Variants in ANTXR1 observed in about 807,000 individuals in gnomAD.
ANTXR1 encodes anthrax toxin receptor 1.
In ANTXR1, 19 loss-of-function variants were observed where a neutral mutation model predicts 78.1. That is an observed-to-expected ratio of 0.24 (90% CI 0.17 to 0.36). The LOEUF (loss-of-function observed/expected upper bound fraction) is 0.36, where lower values mean the gene tolerates loss of function less well. ANTXR1 is among the 10% of genes least tolerant of loss of function. The probability of loss-of-function intolerance (pLI) is 1.00; values close to 1 mark genes in which losing one functional copy is unlikely to be tolerated. For missense variants in ANTXR1, 518 were observed against 718.6 expected, an observed-to-expected ratio of 0.72 and a Z score of 3.19; for synonymous variants, 273 against 260.5, an observed-to-expected ratio of 1.05 and a Z score of -0.46.
intron 9 of ANTXR1, 97 bp from the exon 10 acceptor site, chr2:69,102,745 C>T (rs1671665864): frequency 2.3e-6 from 3 of 1,282,428 alleles, no homozygotes; most frequent in Non-Finnish European, 3.4e-6. Flanking sequence ...ATATTTTAAG[C>T]CTGGTGAAAT....
rs1453471121 is a variant in ANTXR1, at chr2:69,248,430, G to T, written c.*2945G>T. ...ATGTACAAATAGTTACTGAAATGAC[G>T]AGACCCTTGTTTGCACAGCATTAAT... On this transcript the variant is annotated 3_prime_UTR_variant, in exon 18 of 18. Coordinates refer to ENST00000303714, the MANE Select transcript of ANTXR1 (RefSeq NM_032208.3). The T allele has an allele frequency of 6.5e-6, 1 of 154,390 alleles. No homozygotes were observed. Among genetic ancestry groups the T allele is most frequent in the Non-Finnish European group, 1.5e-5 (1 of 68,046 alleles). The allele number at this position is 154,390 out of a possible 1,614,324, so 9.6% of individuals were successfully genotyped here. A position where few individuals can be genotyped will look rare whatever the true frequency, so the allele number is the denominator to read the frequency against.
chr2:69,086,676 G>GTGAACCACA (rs1215076003), intron 8 of ANTXR1, among the ~76,000 whole-genome samples: 1 of 22,002 alleles, frequency 4.5e-5, no homozygotes, highest in African/African-American at 2.4e-4. Context: ...TGTGAACCAC[G>GTGAACCACA]GTCCACGCCC....
intron 12 of ANTXR1, among the ~76,000 whole-genome samples, chr2:69,150,916 C>G (rs1673373395): frequency 6.6e-6 from 1 of 151,946 alleles, no homozygotes; most frequent in Admixed American, 6.6e-5. Context: ...CTCAGCTACC[C>G]AGGAGGCTGA....
intron 17 of ANTXR1, among the ~76,000 whole-genome samples, chr2:69,234,378 A>T (rs1675700179): frequency 6.6e-6 from 1 of 152,258 alleles, no homozygotes; most frequent in Non-Finnish European, 1.5e-5. Context: ...ATTTAGAAAA[A>T]GATGAAATAA....
At chr2:69,019,199 CAA>C (rs1352810946) in intron 1 of ANTXR1, among the ~76,000 whole-genome samples, 3 of 152,302 alleles carry the variant, frequency 2.0e-5, no homozygotes, top group African/African-American at 7.2e-5. Context: ...ATAAGGAAAG[CAA>C]AGAGTTCAAT....
intron 3 of ANTXR1, among the ~76,000 whole-genome samples, chr2:69,051,645 G>T (rs936362399): frequency 1.3e-5 from 2 of 151,814 alleles, no homozygotes; most frequent in East Asian, 1.9e-4. Flanking sequence ...ACACTTTGAT[G>T]ATTAAAATTT....
Position 69,249,305 on chromosome 2 carries a change from AAAT to A in ANTXR1, c.*3826_*3828del, listed in dbSNP as rs1480245477. 6.6e-6 allele frequency: 1 copy of A among 152,232 alleles called. No homozygotes were observed. Among genetic ancestry groups the A allele is most frequent in the Non-Finnish European group, 1.5e-5 (1 of 68,044 alleles). 9.4% of individuals were successfully genotyped at this position (152,232 alleles called of 1,614,324 possible). A position where few individuals can be genotyped will look rare whatever the true frequency, so the allele number is the denominator to read the frequency against. On this transcript the variant is annotated 3_prime_UTR_variant, in exon 18 of 18. Transcript: ENST00000303714. ...ACCCTGGAAGTTGCTTTTTTAAAAA[AAAT>A]AATAAATTTCTTAAATCAACTCTTT...
chr2:69,103,237 C>T (rs961838938), intron 10 of ANTXR1: 2 of 429,874 alleles, frequency 4.7e-6, no homozygotes, highest in Non-Finnish European at 4.4e-6. Flanking sequence ...AGCAGCCCTC[C>T]GGAAGCAGCG....
intron 12 of ANTXR1, chr2:69,146,296 C>G (rs1673224070): frequency 1.0e-6 from 1 of 985,316 alleles, no homozygotes; most frequent in African/African-American, 1.7e-5. Context: ...AGTTGCTCAT[C>G]TGAGAACTCC....
At chr2:69,195,536 G>C (rs1674649080) in intron 17 of ANTXR1, among the ~76,000 whole-genome samples, 1 of 152,184 alleles carries the variant, frequency 6.6e-6, no homozygotes, top group Admixed American at 6.5e-5. Flanking sequence ...TCATATAAAT[G>C]CTGGGTTGAC....
intron 10 of ANTXR1, among the ~76,000 whole-genome samples, chr2:69,108,534 G>A (rs1163009203): frequency 1.3e-5 from 2 of 152,134 alleles, no homozygotes; most frequent in Admixed American, 6.5e-5. Context: ...CTTGTGTCAT[G>A]GGGATTTGTT....
intron 8 of ANTXR1, among the ~76,000 whole-genome samples, chr2:69,084,993 C>G (rs1385526692): frequency 1.3e-5 from 2 of 151,872 alleles, no homozygotes; most frequent in African/African-American, 4.8e-5. Flanking sequence ...GCTGGGACTA[C>G]AGGCGCCTGC....
At chr2:69,212,829 C>T (rs563026581) in intron 17 of ANTXR1, among the ~76,000 whole-genome samples, 2 of 151,990 alleles carry the variant, frequency 1.3e-5, no homozygotes, top group Admixed American at 1.3e-4. Context: ...CTTTTTTTAA[C>T]ATGGGGTCTC....
At position 69,095,401 on chromosome 2, in the gene ANTXR1, T is replaced by A. The variant is rs574430895; in HGVS notation, c.703+4482T>A. Among the ~76,000 whole-genome samples, 4 of 152,228 alleles carry A rather than the reference T, an allele frequency of 2.6e-5. No homozygotes were observed. The East Asian group carries it at 7.7e-4, about 29-fold the overall frequency. Reference sequence around the variant, plus strand: ...GAGATAGTCATATGTTCAAATAAATTACAAAACCACGCAGTAAGCACTGTA... The same window carrying A: ...GAGATAGTCATATGTTCAAATAAATAACAAAACCACGCAGTAAGCACTGTA... On this transcript the variant is annotated intron_variant, in intron 9 of 17. Transcript: ENST00000303714.
At chr2:69,039,099 A>T (rs1166884640) in intron 1 of ANTXR1, among the ~76,000 whole-genome samples, 2 of 152,196 alleles carry the variant, frequency 1.3e-5, no homozygotes, top group African/African-American at 2.4e-5. Context: ...GCAAACTCTA[A>T]CCTCAACAGT....
chr2:69,044,745 A>T lies in ANTXR1; in HGVS notation c.228A>T (p.Pro76=), dbSNP rs1156707607. ...TAGAGCTTCTTTTCCTTTCCAGCCC[A>T]CAGTTGAGAATGTCCTTTATTGTTT... ...VEQLAHKFIS[P]QLRMSFIVFS... The change falls in exon 3 of 18, where the codon CCA becomes CCT. Residue 76 remains proline (P), a synonymous_variant. Coordinates refer to ENST00000303714, the MANE Select transcript of ANTXR1 (RefSeq NM_032208.3). 6.2e-7 allele frequency: 1 copy of T among 1,613,820 alleles called. No individual in the cohort carries two copies.
intron 10 of ANTXR1, among the ~76,000 whole-genome samples, chr2:69,107,588 T>TA (rs369693394): frequency 6.2e-4 from 93 of 148,828 alleles, no homozygotes; most frequent in African/African-American, 1.3e-3. Context: ...AATCTTGGTT[T>TA]AAAAAAAAAA....
At chr2:69,096,986 T>C (rs1671452760) in intron 9 of ANTXR1, among the ~76,000 whole-genome samples, 1 of 152,252 alleles carries the variant, frequency 6.6e-6, no homozygotes. Context: ...AAACCCTTTG[T>C]AGCAACTTTG....
At chr2:69,111,344 G>C (rs1343394466) in intron 10 of ANTXR1, among the ~76,000 whole-genome samples, 1 of 152,160 alleles carries the variant, frequency 6.6e-6, no homozygotes, top group Non-Finnish European at 1.5e-5. Context: ...AGGAGACACT[G>C]GAGTATGAGC....
Sources: allele counts gnomAD v4.1 joint callset (sites outside exome capture counted in the v4.1 genomes callset), GRCh38; gene constraint gnomAD v4.1.1; transcripts MANE v1.5; gene names NCBI Gene and HGNC (gene_info 2026-07-23, HGNC 2026-07-21).